The following MACROD2 variants were observed in gnomAD, a reference collection of about 807,000 sequenced individuals.
The protein encoded by MACROD2 is ADP-ribose glycohydrolase MACROD2.
MACROD2 carries 36 observed loss-of-function variants against 70.4 expected under a neutral mutation model. That is an observed-to-expected ratio of 0.51 (90% CI 0.39 to 0.68). MACROD2 has a LOEUF of 0.68. Ranked by LOEUF, MACROD2 falls within the 30% of genes least tolerant of loss-of-function variation. The probability of loss-of-function intolerance (pLI) is 0.00; values close to 1 mark genes in which losing one functional copy is unlikely to be tolerated. For missense variants in MACROD2, 496 were observed against 538.4 expected (o/e 0.92, Z 0.78); for synonymous variants, 172 against 178.8 (o/e 0.96, Z 0.30).
chr20:14,429,372 A>G (rs1452471945), intron 3 of MACROD2, among the ~76,000 whole-genome samples: 1 of 152,178 alleles, frequency 6.6e-6, no homozygotes, highest in Non-Finnish European at 1.5e-5. Flanking sequence ...CACTTACAAA[A>G]TTAGATACAA....
At chr20:14,396,770 A>G (rs1355456560) in intron 3 of MACROD2, among the ~76,000 whole-genome samples, 5 of 151,462 alleles carry the variant, frequency 3.3e-5, no homozygotes, top group Non-Finnish European at 7.4e-5. Context: ...CTAAAAATAC[A>G]AAAAATTAGC....
intron 5 of MACROD2, among the ~76,000 whole-genome samples, chr20:15,075,541 G>T (rs1404030232): frequency 1.3e-5 from 2 of 152,176 alleles, no homozygotes; most frequent in East Asian, 3.9e-4. Flanking sequence ...AGGGGTGTAA[G>T]CACCCTCTCT....
Position 15,967,553 on chromosome 20 carries a change from A to G in MACROD2, c.908A>G (p.Asp303Gly). The G allele has an allele frequency of 6.2e-7, 1 of 1,610,516 alleles. No homozygotes were observed. The highest frequency in any genetic ancestry group is 1.1e-5 in the South Asian group (1 of 90,368). ...EEAVEDCKDE[D>G]FAKDENITKG... The stretch of plus-strand genomic sequence containing the variant: ...AAAGGTTTTGCTTGTTTGTTGTTAG[A>G]TTTTGCAAAGGATGAAAATATTACA... The change falls in exon 13 of 18, where the codon GAT (aspartate) becomes GGT (glycine). Residue 303 changes from aspartate (D) to glycine (G), a missense_variant and splice_region_variant. Coordinates refer to ENST00000684519, the MANE Select transcript of MACROD2 (RefSeq NM_001351661.2).
At chr20:15,136,099 A>G (rs372150945) in intron 5 of MACROD2, among the ~76,000 whole-genome samples, 1 of 150,284 alleles carries the variant, frequency 6.7e-6, no homozygotes, top group Non-Finnish European at 1.5e-5. Context: ...ATGCTCATGG[A>G]TAGGAAGAAT....
chr20:14,515,463 A>ACACACACGCGCGCGCG (rs34190778), intron 4 of MACROD2, among the ~76,000 whole-genome samples: 4 of 138,822 alleles, frequency 2.9e-5, no homozygotes, highest in South Asian at 2.2e-4. Context: ...ATACACACAC[A>ACACACACGCGCGCGCG]CGCACACACA....
chr20:15,032,717 A>C (rs188804871), intron 5 of MACROD2, among the ~76,000 whole-genome samples: 1 of 152,354 alleles, frequency 6.6e-6, no homozygotes, highest in African/African-American at 2.4e-5. Flanking sequence ...TACCAATTTC[A>C]CTTTTTGGCA....
intron 5 of MACROD2, among the ~76,000 whole-genome samples, chr20:15,048,706 G>T (rs1001128839): frequency 1.3e-5 from 2 of 152,082 alleles, no homozygotes; most frequent in East Asian, 1.9e-4. Flanking sequence ...CTTAAAAATG[G>T]TTCTTCATTT....
At chr20:15,566,446 C>A (rs1053009147) in intron 8 of MACROD2, among the ~76,000 whole-genome samples, 4 of 151,820 alleles carry the variant, frequency 2.6e-5, no homozygotes, top group Non-Finnish European at 5.9e-5. Flanking sequence ...TGCAGTGAAC[C>A]AAGATTGTGC....
intron 5 of MACROD2, among the ~76,000 whole-genome samples, chr20:15,159,905 G>A (rs1294568208): frequency 6.6e-6 from 1 of 152,020 alleles, no homozygotes; most frequent in Non-Finnish European, 1.5e-5. Flanking sequence ...CGTTTGAGTT[G>A]ACTTTCCCAG....
chr20:14,607,053 C>T (rs1982852334), intron 4 of MACROD2, among the ~76,000 whole-genome samples: 1 of 152,068 alleles, frequency 6.6e-6, no homozygotes, highest in African/African-American at 2.4e-5. Context: ...TTTGAGATAC[C>T]ATATCTTAAT....
At chr20:15,189,755 T>C (rs556195002) in intron 5 of MACROD2, among the ~76,000 whole-genome samples, 2,473 of 152,302 alleles carry the variant, frequency 0.016, 45 homozygotes, top group African/African-American at 0.05. Flanking sequence ...CAGATCCTCT[T>C]CAGTGCATTA....
intron 5 of MACROD2, among the ~76,000 whole-genome samples, chr20:14,983,056 A>G (rs923086631): frequency 6.6e-6 from 1 of 152,164 alleles, no homozygotes. Flanking sequence ...CATCAGTGTT[A>G]CCTGGATGTG....
intron 5 of MACROD2, among the ~76,000 whole-genome samples, chr20:15,175,488 A>G (rs979623630): frequency 6.6e-6 from 1 of 152,190 alleles, no homozygotes; most frequent in Admixed American, 6.5e-5. Context: ...ATGAATATAG[A>G]AACCATGAAT....
chr20:14,286,989 G>T (rs548336971), intron 3 of MACROD2, among the ~76,000 whole-genome samples: 38 of 152,122 alleles, frequency 2.5e-4, no homozygotes, highest in African/African-American at 8.9e-4. Flanking sequence ...CGGTTGTTTT[G>T]CTACTTAATC....
intron 2 of MACROD2, among the ~76,000 whole-genome samples, chr20:14,064,479 C>G (rs1289529384): frequency 2.6e-5 from 4 of 152,160 alleles, no homozygotes; most frequent in Admixed American, 2.6e-4. Context: ...GGCTCTCGCA[C>G]CTGCATTACC....
intron 8 of MACROD2, among the ~76,000 whole-genome samples, chr20:15,596,229 T>C (rs1207502161): frequency 6.6e-6 from 1 of 152,224 alleles, no homozygotes; most frequent in Non-Finnish European, 1.5e-5. Context: ...TGAGAGCTCC[T>C]GTTGATGGCC....
chr20:15,587,539 A>G (rs2048619231), intron 8 of MACROD2, among the ~76,000 whole-genome samples: 1 of 152,218 alleles, frequency 6.6e-6, no homozygotes, highest in African/African-American at 2.4e-5. Flanking sequence ...GGACAAGGCA[A>G]GTCCCTTCCG....
intron 3 of MACROD2, among the ~76,000 whole-genome samples, chr20:14,383,157 TAAA>T (rs1401297745): frequency 2.0e-5 from 3 of 152,200 alleles, no homozygotes; most frequent in Non-Finnish European, 4.4e-5. Context: ...TTTCTTAGTT[TAAA>T]AACAAACAGC....
intron 5 of MACROD2, among the ~76,000 whole-genome samples, chr20:15,030,047 C>CT (rs548598837): frequency 1.7e-3 from 250 of 148,224 alleles, no homozygotes; most frequent in African/African-American, 6.0e-3. Context: ...CACCACTGCA[C>CT]TCCAGCCTGG....
Sources: gnomAD v4.1 joint callset for allele counts (sites outside exome capture counted in the v4.1 genomes callset) on GRCh38, gnomAD v4.1.1 for gene constraint, MANE v1.5 for transcripts, NCBI Gene and HGNC (gene_info 2026-07-23, HGNC 2026-07-21) for gene names.